VAT1L: variants seen among roughly 807,000 people sequenced by gnomAD.
VAT1L encodes putative NADPH-dependent quinone oxidoreductase VAT1L.
A neutral mutation model predicts 44.1 loss-of-function variants in VAT1L; 34 were observed. The observed-to-expected ratio is 0.77, with a 90% CI of 0.59 to 1.03. VAT1L has a LOEUF of 1.03. Among genes scored for constraint, VAT1L ranks in the 50% least tolerant of loss-of-function variants. VAT1L has a pLI of 0.00. For missense variants in VAT1L, 615 were observed against 538.8 expected, an observed-to-expected ratio of 1.14 and a Z score of -1.40; for synonymous variants, 253 against 202.2, an observed-to-expected ratio of 1.25 and a Z score of -2.13.
At chr16:77,870,172 T>C (rs967722747) in intron 4 of VAT1L, among the ~76,000 whole-genome samples, 1 of 152,156 alleles carries the variant, frequency 6.6e-6, no homozygotes, top group Admixed American at 6.6e-5. Context: ...GTGCTGTGCT[T>C]GGCACTCTGT....
intron 1 of VAT1L, among the ~76,000 whole-genome samples, chr16:77,793,342 C>G (rs918634136): frequency 2.6e-5 from 4 of 152,120 alleles, no homozygotes; most frequent in Admixed American, 6.5e-5. Flanking sequence ...TTCAAACAAA[C>G]TGAACCTCTT....
Position 77,946,260 on chromosome 16 carries a change from G to C in VAT1L, c.1078-25590G>C, listed in dbSNP as rs537338764. ...TTTACTCAACCACTCTCCTGTTCTG[G>C]ACATCTAGGTTACTTGTTCTTTTTT... On this transcript the variant is annotated intron_variant, in intron 7 of 8. Coordinates refer to ENST00000302536, the MANE Select transcript of VAT1L (RefSeq NM_020927.3). Among the ~76,000 whole-genome samples the C allele has an allele frequency of 8.0e-4, 104 of 130,156 alleles. 1 individual carries two copies. The highest frequency in any genetic ancestry group is 2.8e-3 in the African/African-American group (102 of 36,692). 85.4% of individuals were successfully genotyped at this position (130,156 alleles called of 152,430 possible). A position where few individuals can be genotyped will look rare whatever the true frequency, so the allele number is the denominator to read the frequency against.
At chr16:77,827,224 G>T (rs2016532564) in intron 3 of VAT1L, among the ~76,000 whole-genome samples, 1 of 152,196 alleles carries the variant, frequency 6.6e-6, no homozygotes, top group Non-Finnish European at 1.5e-5. Flanking sequence ...CATTTAGAAT[G>T]CTGGCATTTA....
intron 1 of VAT1L, among the ~76,000 whole-genome samples, chr16:77,803,580 C>G (rs150858786): frequency 6.6e-6 from 1 of 151,760 alleles, no homozygotes; most frequent in African/African-American, 2.4e-5. Context: ...CCACCACGCC[C>G]GGCTAATTTT....
intron 4 of VAT1L, among the ~76,000 whole-genome samples, chr16:77,865,206 C>T (rs991777371): frequency 2.0e-5 from 3 of 152,018 alleles, no homozygotes; most frequent in Non-Finnish European, 4.4e-5. Context: ...ATCTCCTGAC[C>T]TCGTGATGCG....
At chr16:77,968,067 T>C (rs1425432383) in intron 7 of VAT1L, among the ~76,000 whole-genome samples, 1 of 152,192 alleles carries the variant, frequency 6.6e-6, no homozygotes, top group Non-Finnish European at 1.5e-5. Context: ...AATAATTATG[T>C]ATGTGAGATA....
intron 7 of VAT1L, among the ~76,000 whole-genome samples, chr16:77,896,028 T>C (rs2017320730): frequency 6.6e-6 from 1 of 152,112 alleles, no homozygotes. Flanking sequence ...AGAAGAAAGG[T>C]TCATCAGGCT....
intron 7 of VAT1L, among the ~76,000 whole-genome samples, chr16:77,944,360 A>G (rs1326161851): frequency 6.6e-6 from 1 of 152,160 alleles, no homozygotes; most frequent in East Asian, 1.9e-4. Flanking sequence ...AATTGTAACT[A>G]AATTTTACAC....
In VAT1L at chr16:77,977,588, G is replaced by C; in HGVS notation, c.1162-9G>C. Reference sequence around the variant, plus strand: ...ACAACCCTCAATAACATCCTCTTTTGAATTACAGATGGCCAATGACAGCAC... The same window carrying C: ...ACAACCCTCAATAACATCCTCTTTTCAATTACAGATGGCCAATGACAGCAC... On this transcript the variant is annotated splice_polypyrimidine_tract_variant and intron_variant, in intron 8 of 8. Coordinates refer to ENST00000302536, the MANE Select transcript of VAT1L (RefSeq NM_020927.3). The C allele has an allele frequency of 6.2e-7, 1 of 1,613,636 alleles. No individual in the cohort carries two copies. The highest frequency in any genetic ancestry group is 8.5e-7 in the Non-Finnish European group (1 of 1,179,780).
At chr16:77,850,358 A>G (rs1052957730) in intron 3 of VAT1L, among the ~76,000 whole-genome samples, 3 of 152,182 alleles carry the variant, frequency 2.0e-5, no homozygotes, top group Admixed American at 2.0e-4. Context: ...AGTTCAGAGT[A>G]ACCAGGTCAA....
intron 7 of VAT1L, among the ~76,000 whole-genome samples, chr16:77,964,440 C>T (rs936721673): frequency 1.3e-5 from 2 of 151,888 alleles, no homozygotes; most frequent in African/African-American, 2.4e-5. Flanking sequence ...CCAGCAAGGG[C>T]ATCACTCCAA....
chr16:77,826,504 G>T (rs1036220607), intron 3 of VAT1L, among the ~76,000 whole-genome samples: 5 of 152,182 alleles, frequency 3.3e-5, no homozygotes, highest in African/African-American at 7.2e-5. Flanking sequence ...CATGAAAGTG[G>T]TTGCACATGT....
intron 8 of VAT1L, 123 bp from the exon 9 acceptor site, chr16:77,977,474 C>T (rs1027595304): frequency 1.2e-5 from 11 of 924,518 alleles, no homozygotes; most frequent in Non-Finnish European, 1.8e-5. Flanking sequence ...CATTGCCTTC[C>T]AGGGAAACAA....
chr16:77,964,937 T>C (rs1353138764), intron 7 of VAT1L, among the ~76,000 whole-genome samples: 1 of 151,898 alleles, frequency 6.6e-6, no homozygotes, highest in East Asian at 1.9e-4. Context: ...ATTACAGGCA[T>C]GCACCACCAT....
chr16:77,862,979 T>C (rs2016932543), intron 4 of VAT1L, 89 bp downstream of exon 4: 7 of 1,473,604 alleles, frequency 4.8e-6, no homozygotes, highest in South Asian at 1.3e-5. Flanking sequence ...GGGATAATAA[T>C]AATATGTAGC....
At chr16:77,855,341 G>GAA (rs747929473) in intron 3 of VAT1L, among the ~76,000 whole-genome samples, 19 of 95,948 alleles carry the variant, frequency 2.0e-4, no homozygotes, top group African/African-American at 3.3e-4. Context: ...CTCCATCTCA[G>GAA]AAAAAAAAAA....
At position 77,853,958 on chromosome 16, in the gene VAT1L, C is replaced by A. The variant is rs137863459; in HGVS notation, c.580-8790C>A. Among the ~76,000 whole-genome samples the A allele has an allele frequency of 6.9e-3, 1,042 of 151,872 alleles. 8 individuals are homozygous for A. The highest frequency in any genetic ancestry group is 0.024 in the African/African-American group (998 of 41,402). The stretch of plus-strand genomic sequence containing the variant: ...GCCTGGCCAGCATGGTGAAACCCCA[C>A]CTTTACTAAAAATACAAAAATTAGC... On this transcript the variant is annotated intron_variant, in intron 3 of 8. Coordinates refer to ENST00000302536, the MANE Select transcript of VAT1L (RefSeq NM_020927.3).
chr16:77,974,921 AT>A (rs1567527781), intron 8 of VAT1L, among the ~76,000 whole-genome samples: 1 of 152,088 alleles, frequency 6.6e-6, no homozygotes, highest in East Asian at 1.9e-4. Context: ...ACAGTAGAGA[AT>A]GGGTAATCAG....
At chr16:77,860,883 A>C (rs12599959) in intron 3 of VAT1L, among the ~76,000 whole-genome samples, 38,232 of 152,102 alleles carry the variant, frequency 0.25, 5,223 homozygotes, top group East Asian at 0.49. Flanking sequence ...TAGGAAGTTT[A>C]AAGCCTGCTT....
Sources: allele counts gnomAD v4.1 joint callset (sites outside exome capture counted in the v4.1 genomes callset), GRCh38; gene constraint gnomAD v4.1.1; transcripts MANE v1.5; gene names NCBI Gene and HGNC (gene_info 2026-07-23, HGNC 2026-07-21).